Variants in CD163L1 observed in about 807,000 individuals in gnomAD.
CD163L1 encodes scavenger receptor cysteine-rich type 1 protein M160.
A neutral mutation model predicts 165.4 loss-of-function variants in CD163L1; 124 were observed. The observed-to-expected ratio is 0.75, with a 90% CI of 0.65 to 0.87. The LOEUF is 0.87. Among genes scored for constraint, CD163L1 ranks in the 40% least tolerant of loss-of-function variants. CD163L1 has a pLI of 0.00. For synonymous variants in CD163L1, 585 were observed against 662.2 expected, an observed-to-expected ratio of 0.88 and a Z score of 1.79; for missense variants, 1,525 against 1,799.9, an observed-to-expected ratio of 0.85 and a Z score of 2.76.
chr12:7,405,455 A>C (rs1947998286), intron 5 of CD163L1, among the ~76,000 whole-genome samples: 1 of 152,180 alleles, frequency 6.6e-6, no homozygotes, highest in African/African-American at 2.4e-5. Context: ...TCCCCAGATA[A>C]AACTTGCAAG....
downstream of CD163L1, among the ~76,000 whole-genome samples, chr12:7,346,287 T>G (rs1946669653): frequency 6.6e-6 from 1 of 152,162 alleles, no homozygotes; most frequent in South Asian, 2.1e-4. Flanking sequence ...TTCCATTTTA[T>G]TTTTTATTTC....
At position 7,398,514 on chromosome 12, in the gene CD163L1, G is replaced by C; in HGVS notation, c.1479C>G (p.Tyr493Ter). 6.2e-7 allele frequency: 1 copy of C among 1,613,380 alleles called. No homozygotes were observed. The highest frequency in any genetic ancestry group is 8.5e-7 in the Non-Finnish European group (1 of 1,179,656). The change falls in exon 7 of 20, where the codon TAC becomes TAG. Residue 493 changes from tyrosine (Y) to a stop codon, truncating the protein, a stop_gained. Transcript: ENST00000313599. LOFTEE classifies it high-confidence loss of function. The surrounding 1 kb of genome is among the most constrained non-coding windows in gnomAD (Gnocchi z 4.5). ...SPCYGRLEVK[Y>*]QGEWGTVCHD... is the part of the protein sequence containing the mutation. ...GACACACAGTCCCCCACTCTCCTTG[G>C]TATTTCACCTCCAATCTCCCATAAC...
chr12:7,438,234 A>C (rs1948765851), intron 2 of CD163L1, among the ~76,000 whole-genome samples: 1 of 152,172 alleles, frequency 6.6e-6, no homozygotes, highest in African/African-American at 2.4e-5. Context: ...ATAATGGATG[A>C]AAAAAATGAT....
At chr12:7,418,351 C>T (rs760893019) in intron 4 of CD163L1, among the ~76,000 whole-genome samples, 378 of 152,130 alleles carry the variant, frequency 2.5e-3, no homozygotes, top group African/African-American at 8.7e-3. Flanking sequence ...AATAGTCACA[C>T]AACCTATAAA....
exon 5 of CD163L1, chr12:7,346,751 G>A (rs1166631354): frequency 6.6e-6 from 1 of 152,068 alleles, no homozygotes. Context: ...AAACCCCCAG[G>A]AAACCACTGC....
rs778610810 is a variant in CD163L1 at position 7,375,495 on chromosome 12, C to A, written c.2787G>T (p.Trp929Cys). ...ATAGAACACGGGCATCTTCTGGGTC[C>A]CAGTGGGTGTCACACAGTGAGCCCC... ...GHWGSLCDTH[W>C]DPEDARVLCR... Residue 929 changes from tryptophan (W) to cysteine (C), a missense_variant, in exon 11 of 20, where the codon TGG becomes TGT. Transcript: ENST00000313599. 34 of 1,614,128 alleles carry A rather than the reference C, an allele frequency of 2.1e-5. No individual in the cohort carries two copies. The highest frequency in any genetic ancestry group is 2.9e-5 in the Non-Finnish European group (34 of 1,180,030).
chr12:7,373,543 C>T lies in CD163L1; in HGVS notation c.3507G>A (p.Arg1169=). ...CTGCTATGGCTGTGGTGATGTTCCT[C>T]CTGCCGACGCTGCCCCAGGTCCCGT... ...FYNGTWGSVG[R]RNITTAIAGI... The change falls in exon 14 of 20, where the codon AGG becomes AGA. Residue 1169 remains arginine (R), a synonymous_variant. Coordinates refer to ENST00000313599, the MANE Select transcript of CD163L1 (RefSeq NM_174941.6). 1 of 1,614,228 alleles carries T rather than the reference C, an allele frequency of 6.2e-7. No individual in the cohort carries two copies. Among genetic ancestry groups the T allele is most frequent in the Non-Finnish European group, 8.5e-7 (1 of 1,180,036 alleles).
At chr12:7,444,017 A>G (rs1462947307) in intron 1 of CD163L1, 80 bp downstream of exon 1, 2 of 1,312,760 alleles carry the variant, frequency 1.5e-6, no homozygotes, top group Non-Finnish European at 2.2e-6. Flanking sequence ...CATAATATTT[A>G]TATCTGTTTG....
intron 4 of CD163L1, among the ~76,000 whole-genome samples, chr12:7,427,093 C>T (rs775520560): frequency 5.3e-5 from 8 of 152,052 alleles, no homozygotes; most frequent in South Asian, 4.2e-4. Context: ...AATAGTAATA[C>T]GTAATAGTAG....
the CD163L1 span, chr12:7,322,675 T>C: frequency 4.3e-6 from 5 of 1,153,138 alleles, no homozygotes; most frequent in Admixed American, 5.9e-5. Context: ...ACCTTGCCAG[T>C]AGTTACCAAA....
chr12:7,368,153 G>C lies in CD163L1; in HGVS notation c.4117C>G (p.Leu1373Val). 1 of 1,612,370 alleles carries C rather than the reference G, an allele frequency of 6.2e-7. No homozygotes were observed. The highest frequency in any genetic ancestry group is 8.5e-7 in the Non-Finnish European group (1 of 1,178,530). ...ILSSIFGLLL[L>V]VLFILFLTWC... The stretch of plus-strand genomic sequence containing the variant: ...GTGAGAAATAGAATAAACAGAACCA[G>C]GAGAAGGAGCCCAAAGATACTGGAT... The change falls in exon 17 of 20, where the codon CTG becomes GTG. Residue 1373 changes from leucine (L) to valine (V), a missense_variant. Coordinates refer to ENST00000313599, the MANE Select transcript of CD163L1 (RefSeq NM_174941.6). This position sits in a 1 kb window ranked among gnomAD's most constrained non-coding sequence, Gnocchi z 4.3.
At chr12:7,373,957 G>A (rs1947198459) in intron 13 of CD163L1, among the ~76,000 whole-genome samples, 2 of 152,176 alleles carry the variant, frequency 1.3e-5, no homozygotes, top group Admixed American at 1.3e-4. Context: ...CTCATTTGCA[G>A]GGGTGTCCAA....
intron 8 of CD163L1, among the ~76,000 whole-genome samples, chr12:7,388,017 A>G (rs2136467538): frequency 6.6e-6 from 1 of 152,326 alleles, no homozygotes; most frequent in South Asian, 2.1e-4. Context: ...CACCAAGAAC[A>G]TACATTGAGA....
chr12:7,375,459 G>A lies in CD163L1; in HGVS notation c.2823C>T (p.Leu941=). 6.2e-7 allele frequency: 1 copy of A among 1,614,158 alleles called. No individual in the cohort carries two copies. Among genetic ancestry groups the A allele is most frequent in the Non-Finnish European group, 8.5e-7 (1 of 1,180,026 alleles). The change falls in exon 11 of 20, where the codon CTC becomes CTT. Residue 941 remains leucine (L), a synonymous_variant. Transcript: ENST00000313599. ...TGGTTGAGAGAGCAGTCCCACAGCT[G>A]AGCTGTCTGCATAGAACACGGGCAT... The part of the protein sequence containing the change: ...PEDARVLCRQ[L]SCGTALSTTG...
chr12:7,436,232 T>C (rs1162017138), intron 2 of CD163L1, among the ~76,000 whole-genome samples: 1 of 152,190 alleles, frequency 6.6e-6, no homozygotes, highest in Non-Finnish European at 1.5e-5. Context: ...TTTGTATATA[T>C]GTTATAAAAT....
At position 7,421,045 on chromosome 12, in the gene CD163L1, A is replaced by ATATACATATATATATATACGTG. The variant is rs1565808766; in HGVS notation, c.766+11370_766+11371insCACGTATATATATATATGTATA. On this transcript the variant is annotated intron_variant, in intron 4 of 19. Coordinates refer to ENST00000313599, the MANE Select transcript of CD163L1 (RefSeq NM_174941.6). Reference sequence around the variant, plus strand: ...TATACATATATATATACGTGTATATATATGTATATACGTATATATGTATAT... The same window carrying ATATACATATATATATATACGTG: ...TATACATATATATATACGTGTATATATATACATATATATATATACGTGTATGTATATACGTATATATGTATAT... Among the ~76,000 whole-genome samples, 9 of 92,436 alleles carry ATATACATATATATATATACGTG rather than the reference A, an allele frequency of 9.7e-5. No individual in the cohort carries two copies. The Admixed American group carries it at 1.2e-3, about 13-fold the overall frequency. The allele number at this position is 92,436 out of a possible 152,430, so 60.6% of individuals were successfully genotyped here.
rs761711427 is a variant in CD163L1 at position 7,403,643 on chromosome 12, T to G, written c.1300A>C (p.Asn434His). ...TCATTCCCAGTGCAAGATATGCTGT[T>G]TATCCAAATGTCTCTAGCTTCATTA... ...PSNEARDIWI[N>H]SISCTGNESA... The change falls in exon 6 of 20, where the codon AAC becomes CAC. Residue 434 changes from asparagine (N) to histidine (H), a missense_variant. Physicochemically the swap from Asn to His is moderately conservative, Grantham distance 68. Coordinates refer to ENST00000313599, the MANE Select transcript of CD163L1 (RefSeq NM_174941.6). 9 of 1,614,052 alleles carry G rather than the reference T, an allele frequency of 5.6e-6. No homozygotes were observed. The highest frequency in any genetic ancestry group is 7.6e-6 in the Non-Finnish European group (9 of 1,179,968).
At chr12:7,353,942 C>T (rs1157460246), downstream of CD163L1, among the ~76,000 whole-genome samples, 1 of 152,018 alleles carries the variant, frequency 6.6e-6, no homozygotes, top group Non-Finnish European at 1.5e-5. Flanking sequence ...TACATTTCCT[C>T]ATAATATATA....
At chr12:7,322,994 A>G in the CD163L1 span, among the ~76,000 whole-genome samples, 3 of 152,204 alleles carry the variant, frequency 2.0e-5, no homozygotes, top group Admixed American at 6.5e-5. Context: ...TCCACACCTA[A>G]TGAATCAGAA....
Sources: gnomAD v4.1 joint callset for allele counts (sites outside exome capture counted in the v4.1 genomes callset) on GRCh38, gnomAD v4.1.1 for gene constraint, Gnocchi (gnomAD v3.1) non-coding constraint, MANE v1.5 for transcripts, NCBI Gene and HGNC (gene_info 2026-07-23, HGNC 2026-07-21) for gene names.